The following RAB3C variants were observed in gnomAD, a reference collection of about 807,000 sequenced individuals.
RAB3C encodes RAB3C, member RAS oncogene family.
Under a neutral mutation model 26.4 loss-of-function variants are expected in RAB3C, and 17 were observed. The observed-to-expected ratio is 0.64, with a 90% CI of 0.44 to 0.97. RAB3C has a LOEUF of 0.97. Among genes scored for constraint, RAB3C ranks in the 50% least tolerant of loss-of-function variants. The pLI, the probability that RAB3C is intolerant of heterozygous loss-of-function variation, is 0.00. For missense variants in RAB3C, 242 were observed against 281.9 expected, an observed-to-expected ratio of 0.86 and a Z score of 1.01; for synonymous variants, 91 against 95.9, an observed-to-expected ratio of 0.95 and a Z score of 0.30.
chr5:58,605,960 G>A (rs1364078491), intron 1 of RAB3C, among the ~76,000 whole-genome samples: 1 of 152,146 alleles, frequency 6.6e-6, no homozygotes, highest in African/African-American at 2.4e-5. Flanking sequence ...AACAGCTCTG[G>A]TCTGCAGCTC....
intron 2 of RAB3C, among the ~76,000 whole-genome samples, chr5:58,709,150 A>G (rs115547455): frequency 2.6e-5 from 4 of 152,224 alleles, no homozygotes; most frequent in Admixed American, 6.5e-5. Flanking sequence ...ATTAACCCCT[A>G]AAGAGAATTC....
chr5:58,646,028 G>T (rs1008773518), intron 2 of RAB3C, among the ~76,000 whole-genome samples: 1 of 152,166 alleles, frequency 6.6e-6, no homozygotes, highest in Admixed American at 6.5e-5. Context: ...CATTCTACCC[G>T]CACTGAACCT....
intron 2 of RAB3C, among the ~76,000 whole-genome samples, chr5:58,693,321 A>ATT (rs1452331041): frequency 1.2e-3 from 103 of 87,106 alleles, no homozygotes; most frequent in African/African-American, 6.1e-3. Flanking sequence ...AAATTAAGAA[A>ATT]TTATATATAT....
chr5:58,794,976 G>A (rs1742611667), intron 3 of RAB3C, among the ~76,000 whole-genome samples: 1 of 152,210 alleles, frequency 6.6e-6, no homozygotes, highest in Admixed American at 6.5e-5. Context: ...ATATGGTTTG[G>A]CTGTGTCCCC....
At chr5:58,652,955 A>G (rs545183843) in intron 2 of RAB3C, among the ~76,000 whole-genome samples, 44 of 152,224 alleles carry the variant, frequency 2.9e-4, no homozygotes, top group African/African-American at 1.1e-3. Flanking sequence ...TTTGCACGCA[A>G]TTTAGGGAAA....
chr5:58,599,037 G>T (rs1746392191), intron 1 of RAB3C, among the ~76,000 whole-genome samples: 1 of 151,978 alleles, frequency 6.6e-6, no homozygotes, highest in Non-Finnish European at 1.5e-5. Flanking sequence ...CTTAGGATAG[G>T]TAAAAACAAA....
At chr5:58,738,967 T>G (rs1021248084) in intron 3 of RAB3C, among the ~76,000 whole-genome samples, 6 of 152,204 alleles carry the variant, frequency 3.9e-5, no homozygotes, top group Non-Finnish European at 7.3e-5. Context: ...ACATAACTCC[T>G]CAGAAGAAGT....
intron 1 of RAB3C, among the ~76,000 whole-genome samples, chr5:58,590,564 G>A (rs548706296): frequency 1.7e-4 from 25 of 150,634 alleles, no homozygotes; most frequent in Middle Eastern, 3.4e-3. Context: ...TATTTTGAAG[G>A]CAGAGTCTCA....
intron 3 of RAB3C, among the ~76,000 whole-genome samples, chr5:58,737,520 T>C (rs1344578581): frequency 6.7e-6 from 1 of 149,820 alleles, no homozygotes; most frequent in African/African-American, 2.4e-5. Flanking sequence ...TAAGAATCTC[T>C]GTCCCTTCTA....
intron 3 of RAB3C, among the ~76,000 whole-genome samples, chr5:58,756,353 A>AAC (rs1268104686): frequency 8.5e-5 from 12 of 140,726 alleles, no homozygotes; most frequent in Non-Finnish European, 1.7e-4. Flanking sequence ...TATGTTATAT[A>AAC]TATATATAAC....
At chr5:58,707,861 A>T (rs549695501) in intron 2 of RAB3C, among the ~76,000 whole-genome samples, 19 of 152,278 alleles carry the variant, frequency 1.2e-4, no homozygotes, top group African/African-American at 4.6e-4. Context: ...CCCCCCAGCC[A>T]GCTCTGTGCT....
chr5:58,822,991 G>C, intron 3 of RAB3C: 1 of 616,128 alleles, frequency 1.6e-6, no homozygotes, highest in South Asian at 1.4e-5. Flanking sequence ...AAGTTTTTGG[G>C]GCCTTGAAGG....
At chr5:58,666,621 C>T (rs58800905) in intron 2 of RAB3C, among the ~76,000 whole-genome samples, 4,810 of 152,270 alleles carry the variant, frequency 0.032, 138 homozygotes, top group African/African-American at 0.077. Flanking sequence ...GTCTTTGTAA[C>T]ACCACACTAG....
At chr5:58,702,492 A>G (rs1047272288) in intron 2 of RAB3C, among the ~76,000 whole-genome samples, 1 of 152,086 alleles carries the variant, frequency 6.6e-6, no homozygotes, top group African/African-American at 2.4e-5. Flanking sequence ...TCCTCCAGGC[A>G]CCTGCACACC....
At chr5:58,773,466 A>G (rs961228465) in intron 3 of RAB3C, among the ~76,000 whole-genome samples, 1 of 152,124 alleles carries the variant, frequency 6.6e-6, no homozygotes, top group Non-Finnish European at 1.5e-5. Context: ...GTGGGCCAGA[A>G]ATGTCTAACG....
intron 4 of RAB3C, chr5:58,847,069 C>A (rs1387111170): frequency 6.6e-6 from 1 of 152,010 alleles, no homozygotes; most frequent in Non-Finnish European, 1.5e-5. Flanking sequence ...AACAGTGCCG[C>A]CTGCCTCTGC....
intron 4 of RAB3C, among the ~76,000 whole-genome samples, chr5:58,835,450 G>C (rs1231581130): frequency 1.3e-5 from 2 of 152,132 alleles, no homozygotes. Flanking sequence ...AAGCCCCACT[G>C]TCTATCTGTT....
intron 2 of RAB3C, among the ~76,000 whole-genome samples, chr5:58,676,488 G>GT (rs1288270823): frequency 5.9e-5 from 9 of 151,982 alleles, no homozygotes; most frequent in Non-Finnish European, 1.2e-4. Flanking sequence ...GGGCAACAGA[G>GT]CAAGACTCTG....
chr5:58,779,006 C>G (rs1742211282), intron 3 of RAB3C, among the ~76,000 whole-genome samples: 1 of 152,140 alleles, frequency 6.6e-6, no homozygotes, highest in Non-Finnish European at 1.5e-5. Context: ...TATATCCCAT[C>G]AACAATCACT....
Sources: gnomAD v4.1 joint callset for allele counts (sites outside exome capture counted in the v4.1 genomes callset) on GRCh38, gnomAD v4.1.1 for gene constraint, MANE v1.5 for transcripts, NCBI Gene and HGNC (gene_info 2026-07-23, HGNC 2026-07-21) for gene names.